CTNNA2: variants seen among roughly 807,000 people sequenced by gnomAD.
CTNNA2 encodes the protein catenin alpha 2.
In CTNNA2, 42 loss-of-function variants were observed where a neutral mutation model predicts 101.0. The observed-to-expected ratio is 0.42, with a 90% CI of 0.32 to 0.54. The LOEUF (loss-of-function observed/expected upper bound fraction) is 0.54. Among genes scored for constraint, CTNNA2 ranks in the 20% least tolerant of loss-of-function variants. The probability of loss-of-function intolerance (pLI) is 0.14; values close to 1 mark genes in which losing one functional copy is unlikely to be tolerated. For synonymous variants in CTNNA2, 450 were observed against 456.4 expected (o/e 0.99, Z 0.18); for missense variants, 871 against 1,223.1 (o/e 0.71, Z 4.29).
chr2:79,710,148 C>T (rs1391890152), intron 2 of CTNNA2, among the ~76,000 whole-genome samples: 2 of 152,004 alleles, frequency 1.3e-5, no homozygotes, highest in Non-Finnish European at 2.9e-5. Flanking sequence ...ATCTTTGAGC[C>T]TGTCAGCTTC....
intron 7 of CTNNA2, among the ~76,000 whole-genome samples, chr2:79,923,474 A>G (rs192789426): frequency 6.6e-6 from 1 of 152,236 alleles, no homozygotes; most frequent in Non-Finnish European, 1.5e-5. Context: ...TAATAATTGT[A>G]TATATTTATG....
At chr2:80,277,302 T>C (rs989103651) in intron 7 of CTNNA2, among the ~76,000 whole-genome samples, 8 of 152,092 alleles carry the variant, frequency 5.3e-5, no homozygotes, top group Non-Finnish European at 1.2e-4. Flanking sequence ...TCAGAGTTTT[T>C]ACTGAGGTCT....
intron 17 of CTNNA2, among the ~76,000 whole-genome samples, chr2:80,617,274 T>C (rs2149799765): frequency 6.9e-6 from 1 of 145,980 alleles, no homozygotes; most frequent in Admixed American, 7.0e-5. Context: ...AGAAAATCCC[T>C]AACTTATAAA....
At chr2:80,071,019 T>C (rs1698305524) in intron 7 of CTNNA2, among the ~76,000 whole-genome samples, 1 of 152,204 alleles carries the variant, frequency 6.6e-6, no homozygotes, top group Non-Finnish European at 1.5e-5. Flanking sequence ...CTTAACTTAC[T>C]TGTGTCTGCA....
At chr2:79,550,063 T>C (rs1279703463) in intron 1 of CTNNA2, among the ~76,000 whole-genome samples, 2 of 152,184 alleles carry the variant, frequency 1.3e-5, no homozygotes, top group Non-Finnish European at 2.9e-5. Context: ...TCTTGCATTC[T>C]CCAATCTAAT....
chr2:79,323,119 C>G (rs750301849), intron 3 of CTNNA2, among the ~76,000 whole-genome samples: 1 of 152,180 alleles, frequency 6.6e-6, no homozygotes, highest in Non-Finnish European at 1.5e-5. Flanking sequence ...TGTTTAGGCT[C>G]TTCCATGTTT....
At chr2:79,662,599 C>T (rs1682113836) in intron 2 of CTNNA2, among the ~76,000 whole-genome samples, 1 of 152,054 alleles carries the variant, frequency 6.6e-6, no homozygotes, top group South Asian at 2.1e-4. Context: ...TACGAAGTGA[C>T]AGAATTGAAT....
At chr2:80,076,038 T>G (rs1698725563) in intron 7 of CTNNA2, among the ~76,000 whole-genome samples, 1 of 151,606 alleles carries the variant, frequency 6.6e-6, no homozygotes, top group Non-Finnish European at 1.5e-5. Context: ...AATACAACTT[T>G]TTTTGCTGTT....
rs569598779 is a variant in CTNNA2 at position 80,266,549 on chromosome 2, A to G, written c.1057-126662A>G. Among the ~76,000 whole-genome samples, 5 of 152,300 alleles carry G rather than the reference A, an allele frequency of 3.3e-5. 1 individual carries two copies. In the South Asian group the frequency reaches 6.2e-4, roughly 19 times the overall value. On this transcript the variant is annotated intron_variant, in intron 7 of 18. Transcript: ENST00000402739. ...TGCTGATTTGTTATACAATTTTTCT[A>G]TGCCCTCTTCTTCCATGGAGAGCTA...
intron 7 of CTNNA2, chr2:80,163,220 A>C: frequency 1.1e-6 from 1 of 944,804 alleles, no homozygotes; most frequent in East Asian, 2.4e-5. Flanking sequence ...GAACTAGCTT[A>C]TTATTATAGT....
chr2:79,438,953 C>G (rs1247271723), intron 4 of CTNNA2, among the ~76,000 whole-genome samples: 3 of 152,012 alleles, frequency 2.0e-5, no homozygotes, highest in East Asian at 1.9e-4. Context: ...AAACTGGAAC[C>G]CTTATAGGTT....
In CTNNA2 at chr2:79,814,608, T is replaced by TATACAC. The variant is rs1553472822; in HGVS notation, c.299-43404_299-43403insTACACA. On this transcript the variant is annotated intron_variant, in intron 3 of 18. Coordinates refer to ENST00000402739, the MANE Select transcript of CTNNA2 (RefSeq NM_001282597.3). ...TAGTATTCCATTATATATGTGTGTA[T>TATACAC]ACACACACACACACACACACACACA... Among the ~76,000 whole-genome samples the TATACAC allele has an allele frequency of 9.0e-5, 13 of 145,094 alleles. 1 individual carries two copies. Among genetic ancestry groups the TATACAC allele is most frequent in the East Asian group, 8.2e-4 (4 of 4,874 alleles).
chr2:79,729,829 T>A (rs568566717), intron 2 of CTNNA2, among the ~76,000 whole-genome samples: 28 of 152,232 alleles, frequency 1.8e-4, no homozygotes, highest in African/African-American at 6.0e-4. Flanking sequence ...GTGGCCTTTT[T>A]TCATGTCACT....
chr2:80,216,839 A>AT lies in CTNNA2; in HGVS notation c.1057-176356dup, dbSNP rs5832441. ...GCCTGACTTAGCCTAAGCTATTTCC[A>AT]TTTTTTTTTTTTTTTTGAGATGAAT... On this transcript the variant is annotated intron_variant, in intron 7 of 18. Transcript: ENST00000402739. Among the ~76,000 whole-genome samples the AT allele has an allele frequency of 4.3e-3, 585 of 136,054 alleles. 5 individuals are homozygous for AT. Among genetic ancestry groups the AT allele is most frequent in the East Asian group, 0.012 (57 of 4,854 alleles). 89.3% of individuals were successfully genotyped at this position (136,054 alleles called of 152,430 possible).
chr2:80,425,288 G>T (rs910604946), intron 9 of CTNNA2, among the ~76,000 whole-genome samples: 1 of 152,048 alleles, frequency 6.6e-6, no homozygotes. Context: ...TTCCTGAGAG[G>T]GCTCATTTAG....
intron 2 of CTNNA2, among the ~76,000 whole-genome samples, chr2:79,716,866 T>A (rs1686141157): frequency 6.6e-6 from 1 of 151,958 alleles, no homozygotes. Flanking sequence ...GTTACTTGTA[T>A]CAGAAACAAA....
At chr2:80,388,162 G>A (rs553530907) in intron 7 of CTNNA2, among the ~76,000 whole-genome samples, 28 of 152,284 alleles carry the variant, frequency 1.8e-4, no homozygotes, top group African/African-American at 6.0e-4. Flanking sequence ...AAGGGAGATC[G>A]TTTAGATATG....
intron 7 of CTNNA2, among the ~76,000 whole-genome samples, chr2:79,986,576 T>G (rs957820006): frequency 6.6e-6 from 1 of 152,062 alleles, no homozygotes; most frequent in African/African-American, 2.4e-5. Flanking sequence ...CTGCAGGAAG[T>G]TTTATGCAGG....
At position 80,303,432 on chromosome 2, in the gene CTNNA2, T is replaced by G; in HGVS notation, c.1057-89779T>G. The G allele has an allele frequency of 6.2e-7, 1 of 1,614,176 alleles. No individual in the cohort carries two copies. Among genetic ancestry groups the G allele is most frequent in the Non-Finnish European group, 8.5e-7 (1 of 1,180,024 alleles). On this transcript the variant is annotated intron_variant, in intron 7 of 18. Coordinates refer to ENST00000402739, the MANE Select transcript of CTNNA2 (RefSeq NM_001282597.3). This position sits in a 1 kb window ranked among gnomAD's most constrained non-coding sequence, Gnocchi z 7.7. ...TTGGGCATGGGCCGGAAGGTGGTGT[T>G]GGGCAGTTGGGTGATCTGGTTGGAA...
Sources: allele counts gnomAD v4.1 joint callset (sites outside exome capture counted in the v4.1 genomes callset), GRCh38; gene constraint gnomAD v4.1.1; non-coding constraint Gnocchi (gnomAD v3.1); transcripts MANE v1.5; gene names NCBI Gene and HGNC (gene_info 2026-07-23, HGNC 2026-07-21).